DENND3: variants seen among roughly 807,000 people sequenced by gnomAD.
DENND3 encodes the protein DENN domain containing 3.
Under a neutral mutation model 135.1 loss-of-function variants are expected in DENND3, and 88 were observed. The ratio of observed to expected loss-of-function variants is 0.65; its 90% CI spans 0.55 to 0.78. The LOEUF (loss-of-function observed/expected upper bound fraction) is 0.78. Ranked by LOEUF, DENND3 falls within the 30% of genes least tolerant of loss-of-function variation. The pLI, the probability that DENND3 is intolerant of heterozygous loss-of-function variation, is 0.00. For synonymous variants in DENND3, 693 were observed against 712.3 expected, an observed-to-expected ratio of 0.97 and a Z score of 0.43; for missense variants, 1,392 against 1,688.4, an observed-to-expected ratio of 0.82 and a Z score of 3.08.
chr8:141,158,414 T>G (rs1819708350), intron 8 of DENND3: 2 of 1,130,494 alleles, frequency 1.8e-6, no homozygotes, highest in Non-Finnish European at 2.2e-6. Context: ...CCTCATCTTC[T>G]TGTTAGAATT....
At chr8:141,180,711 C>G (rs766119985) in intron 16 of DENND3, 36 bp from the exon 17 acceptor site, 33 of 1,580,178 alleles carry the variant, frequency 2.1e-5, no homozygotes, top group Non-Finnish European at 2.8e-5. Context: ...TTCCTTGAGG[C>G]TGCAACAGTA....
rs1816967955 is a variant in DENND3 at position 141,137,943 on chromosome 8, A to G, written c.386-79A>G. 3 of 1,444,026 alleles carry G rather than the reference A, an allele frequency of 2.1e-6. No homozygotes were observed. Among genetic ancestry groups the G allele is most frequent in the Non-Finnish European group, 2.8e-6 (3 of 1,054,600 alleles). 89.5% of individuals were successfully genotyped at this position (1,444,026 alleles called of 1,614,324 possible). On this transcript the variant is annotated intron_variant, in intron 2 of 22. Transcript: ENST00000519811. The surrounding 1 kb of genome is among the most constrained non-coding windows in gnomAD (Gnocchi z 4.1). The stretch of plus-strand genomic sequence containing the variant: ...CTAACTGTGGAGGTGTGTCCTAAAC[A>G]CTGTGAAGAAATCAGCTCGTGGGTA...
chr8:141,161,350 T>C (rs538260819), intron 9 of DENND3, among the ~76,000 whole-genome samples: 2 of 152,356 alleles, frequency 1.3e-5, no homozygotes, highest in African/African-American at 4.8e-5. Context: ...GATGTGCCTG[T>C]TAGCAAGTTT....
chr8:141,161,680 C>T (rs911756456), intron 9 of DENND3, among the ~76,000 whole-genome samples: 7 of 152,184 alleles, frequency 4.6e-5, no homozygotes, highest in African/African-American at 1.7e-4. Context: ...AAGGAGGCAC[C>T]CCCGATGCTG....
chr8:141,183,193 T>C (rs759948445), intron 17 of DENND3, among the ~76,000 whole-genome samples: 6 of 152,202 alleles, frequency 3.9e-5, no homozygotes, highest in Non-Finnish European at 7.3e-5. Flanking sequence ...ATAAATTATA[T>C]ATAAAATACC....
chr8:141,160,864 G>C lies in DENND3; in HGVS notation c.1352+77G>C, dbSNP rs578242044. On this transcript the variant is annotated intron_variant, in intron 9 of 22. Transcript: ENST00000519811. ...CCATTCTATGGGGATCGTGCACCCC[G>C]CCCCAGAGGGCAGGCCATTAGTACC... 3.8e-5 allele frequency: 58 copies of C among 1,519,788 alleles called. No homozygotes were observed. In the East Asian group the frequency reaches 1.3e-3, roughly 34 times the overall value. The allele number at this position is 1,519,788 out of a possible 1,614,324, so 94.1% of individuals were successfully genotyped here. A position where few individuals can be genotyped will look rare whatever the true frequency, so the allele number is the denominator to read the frequency against.
In DENND3 at chr8:141,145,832, TATATATATATATATATATG is replaced by T. The variant is rs1216137530; in HGVS notation, c.735+1574_735+1592del. The stretch of plus-strand genomic sequence containing the variant: ...ATATATATATATATATATATATATA[TATATATATATATATATATG>T]TATTTTTTTTTTTTTGAGGCGGAGT... On this transcript the variant is annotated intron_variant, in intron 5 of 22. Transcript: ENST00000519811. 1.8e-3 allele frequency among the ~76,000 whole-genome samples: 151 copies of T among 82,734 alleles called. 3 individuals are homozygous for T. The highest frequency in any genetic ancestry group is 8.9e-3 in the African/African-American group (104 of 11,636). 54.3% of individuals were successfully genotyped at this position (82,734 alleles called of 152,430 possible). A position where few individuals can be genotyped will look rare whatever the true frequency, so the allele number is the denominator to read the frequency against.
chr8:141,194,292 A>G lies in DENND3; in HGVS notation c.*59A>G. On this transcript the variant is annotated 3_prime_UTR_variant, in exon 23 of 23. Coordinates refer to ENST00000519811, the MANE Select transcript of DENND3 (RefSeq NM_001352890.3). ...TATGTGTGGGGACTGGCTGCCCCCT[A>G]GAGCCTGCCAGGAGCAGAAGCCTGG... 2 of 1,563,954 alleles carry G rather than the reference A, an allele frequency of 1.3e-6. No homozygotes were observed. The highest frequency in any genetic ancestry group is 1.3e-5 in the African/African-American group (1 of 74,546).
chr8:141,174,822 G>A lies in DENND3; in HGVS notation c.2276-378G>A, dbSNP rs571638548. Among the ~76,000 whole-genome samples, 2 of 152,316 alleles carry A rather than the reference G, an allele frequency of 1.3e-5. No homozygotes were observed. Among genetic ancestry groups the A allele is most frequent in the East Asian group, 3.9e-4 (2 of 5,188 alleles). ...GCTCCCCTTGTGACCCCAAGACAGTGGCCAGCAGTTCTAGTGATGAGGAAG... is the reference window on the plus strand; with the variant it reads ...GCTCCCCTTGTGACCCCAAGACAGTAGCCAGCAGTTCTAGTGATGAGGAAG... On this transcript the variant is annotated intron_variant, in intron 13 of 22. Coordinates refer to ENST00000519811, the MANE Select transcript of DENND3 (RefSeq NM_001352890.3). The surrounding 1 kb of genome is among the most constrained non-coding windows in gnomAD (Gnocchi z 4.6).
Position 141,182,089 on chromosome 8 carries a change from C to CCGG in DENND3, c.2944+1236_2944+1237insGGC, listed in dbSNP as rs1239947805. On this transcript the variant is annotated intron_variant, in intron 17 of 22. Transcript: ENST00000519811. The surrounding 1 kb of genome is among the most constrained non-coding windows in gnomAD (Gnocchi z 5.9). ...GGGATTACAGGTGTGAGCCACTGCG[C>CCGG]CAGCCCAGAAGGGATTTTTAAAATT... Among the ~76,000 whole-genome samples the CCGG allele has an allele frequency of 6.6e-6, 1 of 152,196 alleles. No individual in the cohort carries two copies. Among genetic ancestry groups the CCGG allele is most frequent in the Non-Finnish European group, 1.5e-5 (1 of 68,040 alleles).
At chr8:141,158,176 T>C (rs758604584) in intron 8 of DENND3, 1 of 1,289,574 alleles carries the variant, frequency 7.8e-7, no homozygotes, top group South Asian at 1.2e-5. Context: ...GTGGAATCGC[T>C]GGGCTCTCCT....
rs1819391476 is a variant in DENND3, at chr8:141,156,067, A to G, written c.1196+97A>G. On this transcript the variant is annotated intron_variant, in intron 8 of 22. Transcript: ENST00000519811. Reference sequence around the variant, plus strand: ...TCTTTTCCAATTTTATATAACTGATAGATGTTTTATATATTATAGTTTGGA... The same window carrying G: ...TCTTTTCCAATTTTATATAACTGATGGATGTTTTATATATTATAGTTTGGA... 3 of 1,423,722 alleles carry G rather than the reference A, an allele frequency of 2.1e-6. No homozygotes were observed. The Admixed American group carries it at 7.6e-5, about 36-fold the overall frequency. 88.2% of individuals were successfully genotyped at this position (1,423,722 alleles called of 1,614,324 possible). A position where few individuals can be genotyped will look rare whatever the true frequency, so the allele number is the denominator to read the frequency against.
chr8:141,185,954 CTTTTT>C (rs1389846454), intron 18 of DENND3, among the ~76,000 whole-genome samples: 1 of 150,388 alleles, frequency 6.6e-6, no homozygotes, highest in Non-Finnish European at 1.5e-5. Context: ...TCTTTTTTTT[CTTTTT>C]TGAGACAGGG....
intron 9 of DENND3, among the ~76,000 whole-genome samples, chr8:141,161,456 A>G (rs1012421968): frequency 6.6e-6 from 1 of 152,226 alleles, no homozygotes; most frequent in African/African-American, 2.4e-5. Context: ...TGGACAAGTC[A>G]AGTGTGTTTA....
At chr8:141,157,675 C>T in intron 8 of DENND3, 1 of 985,618 alleles carries the variant, frequency 1.0e-6, no homozygotes, top group Non-Finnish European at 1.2e-6. Context: ...TTTCACCTGG[C>T]TTTTCTGATT....
intron 1 of DENND3, among the ~76,000 whole-genome samples, chr8:141,134,999 C>T (rs374054370): frequency 2.0e-5 from 3 of 152,006 alleles, no homozygotes; most frequent in East Asian, 3.9e-4. Flanking sequence ...CCACCAAGCC[C>T]GGCTAATTTT....
intron 18 of DENND3, among the ~76,000 whole-genome samples, chr8:141,187,984 C>T (rs1219434995): frequency 4.0e-5 from 6 of 150,676 alleles, no homozygotes; most frequent in Admixed American, 1.3e-4. Context: ...TCTAGGAGTT[C>T]GAGACCAGCC....
In DENND3 at chr8:141,189,110, C is replaced by T. The variant is rs757630182; in HGVS notation, c.3209C>T (p.Thr1070Met). The T allele has an allele frequency of 9.9e-5, 159 of 1,614,090 alleles. 1 individual carries two copies. The highest frequency in any genetic ancestry group is 1.2e-4 in the Non-Finnish European group (143 of 1,180,046). ...CTCACAGCCCACTGCTCCAGTGTCACGGATTTGATTGTGCAGGACGGACAG... is the reference window on the plus strand; with the variant it reads ...CTCACAGCCCACTGCTCCAGTGTCATGGATTTGATTGTGCAGGACGGACAG... ...KQLTAHCSSV[T>M]DLIVQDGQEA... is the part of the protein sequence containing the mutation. Residue 1070 changes from threonine (T) to methionine (M), a missense_variant, in exon 19 of 23, where the codon ACG (threonine) becomes ATG (methionine). Transcript: ENST00000519811.
intron 18 of DENND3, among the ~76,000 whole-genome samples, chr8:141,187,126 T>C (rs1212882650): frequency 6.6e-6 from 1 of 152,218 alleles, no homozygotes; most frequent in African/African-American, 2.4e-5. Flanking sequence ...CACCCCATCA[T>C]GGGATCTGCT....
Sources: allele counts gnomAD v4.1 joint callset (sites outside exome capture counted in the v4.1 genomes callset), GRCh38; gene constraint gnomAD v4.1.1; non-coding constraint Gnocchi (gnomAD v3.1); transcripts MANE v1.5; gene names NCBI Gene and HGNC (gene_info 2026-07-23, HGNC 2026-07-21).